EGLN3: variants seen among roughly 807,000 people sequenced by gnomAD.
The protein encoded by EGLN3 is egl-9 family hypoxia inducible factor 3, also known as prolyl hydroxylase EGLN3.
In EGLN3, 15 loss-of-function variants were observed where a neutral mutation model predicts 26.0. The observed-to-expected ratio is 0.58, with a 90% CI of 0.39 to 0.89. EGLN3 has a LOEUF of 0.89. Ranked by LOEUF, EGLN3 falls within the 40% of genes least tolerant of loss-of-function variation. The pLI is 0.00. For synonymous variants in EGLN3, 147 were observed against 127.2 expected, an observed-to-expected ratio of 1.16 and a Z score of -1.05; for missense variants, 238 against 311.6, an observed-to-expected ratio of 0.76 and a Z score of 1.78.
chr14:33,941,018 G>T (rs1172581938), intron 1 of EGLN3, among the ~76,000 whole-genome samples: 1 of 152,084 alleles, frequency 6.6e-6, no homozygotes, highest in Non-Finnish European at 1.5e-5. Context: ...CTTCTCAAAT[G>T]GAAATGTCAT....
intron 1 of EGLN3, among the ~76,000 whole-genome samples, chr14:33,931,912 G>A (rs1380599932): frequency 6.6e-6 from 1 of 152,174 alleles, no homozygotes; most frequent in Non-Finnish European, 1.5e-5. Flanking sequence ...CTTTGTCTAA[G>A]TGCTACCTGT....
Position 33,925,629 on chromosome 14 carries a change from G to C in EGLN3, c.*262C>G. ...CTTGATAGTATTACCGAATCTATCAGGTAAACCGCTGGCCGAGTAGGATGT... is the reference window on the plus strand; with the variant it reads ...CTTGATAGTATTACCGAATCTATCACGTAAACCGCTGGCCGAGTAGGATGT... On this transcript the variant is annotated 3_prime_UTR_variant, in exon 5 of 5. Transcript: ENST00000250457. 2.0e-6 allele frequency: 1 copy of C among 501,798 alleles called. No individual in the cohort carries two copies. The highest frequency in any genetic ancestry group is 2.4e-5 in the South Asian group (1 of 41,396). 31.1% of individuals were successfully genotyped at this position (501,798 alleles called of 1,614,324 possible).
chr14:33,940,473 C>T (rs763571926), intron 1 of EGLN3, among the ~76,000 whole-genome samples: 6 of 151,634 alleles, frequency 4.0e-5, no homozygotes, highest in Admixed American at 6.6e-5. Context: ...TAGGAAGATA[C>T]GCCACCATCC....
intron 1 of EGLN3, among the ~76,000 whole-genome samples, chr14:33,935,374 C>T (rs895859516): frequency 1.3e-5 from 2 of 152,064 alleles, no homozygotes; most frequent in African/African-American, 4.8e-5. Flanking sequence ...AAATAGCTTT[C>T]GATGTTTGCG....
chr14:33,931,483 C>T, intron 1 of EGLN3: 1 of 429,340 alleles, frequency 2.3e-6, no homozygotes, highest in Non-Finnish European at 4.1e-6. Context: ...CTTAAAGTAA[C>T]CTATCTGCAT....
At chr14:33,944,207 C>T (rs1473737743) in intron 1 of EGLN3, among the ~76,000 whole-genome samples, 1 of 152,034 alleles carries the variant, frequency 6.6e-6, no homozygotes. Context: ...CTGCAACCTC[C>T]ACCTCCCAGG....
chr14:33,939,145 A>G (rs2064462969), intron 1 of EGLN3, among the ~76,000 whole-genome samples: 1 of 152,216 alleles, frequency 6.6e-6, no homozygotes, highest in Non-Finnish European at 1.5e-5. Context: ...TTAATAATGG[A>G]TAATATATGA....
chr14:33,935,620 C>T lies in EGLN3; in HGVS notation c.358-4405G>A, dbSNP rs200730974. On this transcript the variant is annotated intron_variant, in intron 1 of 4. Coordinates refer to ENST00000250457, the MANE Select transcript of EGLN3 (RefSeq NM_022073.4). ...ACACACACACACACACACACACACA[C>T]ATATATATATATACACACACATATA... Among the ~76,000 whole-genome samples the T allele has an allele frequency of 1.8e-3, 138 of 74,648 alleles. 1 individual carries two copies. The highest frequency in any genetic ancestry group is 4.2e-3 in the African/African-American group (106 of 24,960). The allele number at this position is 74,648 out of a possible 152,430, so 49.0% of individuals were successfully genotyped here.
intron 1 of EGLN3, among the ~76,000 whole-genome samples, chr14:33,942,170 G>C (rs1400900020): frequency 6.6e-6 from 1 of 151,786 alleles, no homozygotes; most frequent in Non-Finnish European, 1.5e-5. Context: ...GGAAGAACAA[G>C]AACCAACGGC....
Position 33,929,189 on chromosome 14 carries a change from T to C in EGLN3, c.501A>G (p.Ile167Met), listed in dbSNP as rs1395724964. ...CTATGAATGATTTCCCCTCTGGAAA[T>C]ATCCGCAGGATCCCACCATGTAGCT... The part of the protein sequence containing the change: ...DAKLHGGILR[I>M]FPEGKSFIAD... Residue 167 changes from isoleucine (I) to methionine (M), a missense_variant, in exon 3 of 5, where the codon ATA becomes ATG. By Grantham distance (10) the Ile-to-Met change is conservative. Transcript: ENST00000250457. 1 of 1,614,188 alleles carries C rather than the reference T, an allele frequency of 6.2e-7. No individual in the cohort carries two copies. The highest frequency in any genetic ancestry group is 8.5e-7 in the Non-Finnish European group (1 of 1,180,024).
rs367909289 is a variant in EGLN3 at position 33,925,904 on chromosome 14, A to C, written c.707T>G (p.Leu236Arg). The change falls in exon 5 of 5, where the codon CTC becomes CGC. Residue 236 changes from leucine to arginine, a missense_variant. Transcript: ENST00000250457. ...RNLTRKTESA[L>R]TED ...TTCAGAGCACGGTCAGTCTTCAGTGAGGGCAGATTCAGTTTTCCCTGGGTT... is the reference window on the plus strand; with the variant it reads ...TTCAGAGCACGGTCAGTCTTCAGTGCGGGCAGATTCAGTTTTCCCTGGGTT... The C allele has an allele frequency of 6.2e-7, 1 of 1,613,052 alleles. No individual in the cohort carries two copies. The highest frequency in any genetic ancestry group is 8.5e-7 in the Non-Finnish European group (1 of 1,179,594).
rs780602820 is a variant in EGLN3, at chr14:33,950,650, G to C, written c.103C>G (p.Leu35Val). ...EVGFCYLDNF[L>V]GEVVGDCVLE... The stretch of plus-strand genomic sequence containing the variant: ...ACGCAGTCGCCCACCACCTCGCCCA[G>C]GAAGTTGTCCAGGTAGCAGAAGCCC... Residue 35 changes from leucine (L) to valine (V), a missense_variant, in exon 1 of 5, where the codon CTG becomes GTG. By Grantham distance (32) the Leu-to-Val change is conservative (BLOSUM62 1). Transcript: ENST00000250457. The C allele has an allele frequency of 6.2e-7, 1 of 1,614,042 alleles. No homozygotes were observed. Among genetic ancestry groups the C allele is most frequent in the Admixed American group, 1.7e-5 (1 of 60,030 alleles).
At chr14:33,929,660 C>T (rs2064388054) in intron 2 of EGLN3, among the ~76,000 whole-genome samples, 1 of 152,168 alleles carries the variant, frequency 6.6e-6, no homozygotes, top group Non-Finnish European at 1.5e-5. Context: ...CCACTTCGTA[C>T]CAAATTTTAT....
intron 1 of EGLN3, among the ~76,000 whole-genome samples, chr14:33,944,700 G>T (rs575188535): frequency 6.6e-6 from 1 of 152,304 alleles, no homozygotes; most frequent in Non-Finnish European, 1.5e-5. Flanking sequence ...CAGAAAAAGA[G>T]AAAGAATTGG....
chr14:33,947,184 G>T (rs2064523832), intron 1 of EGLN3, among the ~76,000 whole-genome samples: 1 of 152,146 alleles, frequency 6.6e-6, no homozygotes, highest in African/African-American at 2.4e-5. Context: ...AAAGAAAAAG[G>T]AGCAAATTAT....
At position 33,931,292 on chromosome 14, in the gene EGLN3, G is replaced by A. The variant is rs917570678; in HGVS notation, c.358-77C>T. 4 of 1,597,530 alleles carry A rather than the reference G, an allele frequency of 2.5e-6. No individual in the cohort carries two copies. The Admixed American group carries it at 6.8e-5, about 27-fold the overall frequency. ...TCTCCTCCCACTGGTGAGCAGATAA[G>A]TAACACAGTCTCCTTGGGTGTTACG... On this transcript the variant is annotated intron_variant, in intron 1 of 4. Transcript: ENST00000250457.
At chr14:33,942,596 CA>C (rs1179865748) in intron 1 of EGLN3, among the ~76,000 whole-genome samples, 1 of 152,100 alleles carries the variant, frequency 6.6e-6, no homozygotes, top group African/African-American at 2.4e-5. Flanking sequence ...CTGACAACTT[CA>C]AAAAGATGGA....
At chr14:33,949,824 C>T (rs1437559067) in intron 1 of EGLN3, 1 of 165,786 alleles carries the variant, frequency 6.0e-6, no homozygotes, top group Non-Finnish European at 1.3e-5. Flanking sequence ...AGAAGATGGT[C>T]TAACAATGTG....
At chr14:33,946,547 AT>A (rs2064519838) in intron 1 of EGLN3, among the ~76,000 whole-genome samples, 1 of 152,148 alleles carries the variant, frequency 6.6e-6, no homozygotes, top group South Asian at 2.1e-4. Context: ...GAAAGTATAA[AT>A]TCGTTCATCA....
Sources: gnomAD v4.1 joint callset for allele counts (sites outside exome capture counted in the v4.1 genomes callset) on GRCh38, gnomAD v4.1.1 for gene constraint, MANE v1.5 for transcripts, NCBI Gene and HGNC (gene_info 2026-07-23, HGNC 2026-07-21) for gene names.